The following SLC39A10 variants were observed in gnomAD, a reference collection of about 807,000 sequenced individuals.
The protein encoded by SLC39A10 is zinc transporter ZIP10.
Under a neutral mutation model 65.1 loss-of-function variants are expected in SLC39A10, and 13 were observed. The observed-to-expected ratio is 0.20, with a 90% confidence interval of 0.13 to 0.32. SLC39A10 has a LOEUF of 0.32. Ranked by LOEUF, SLC39A10 falls within the 10% of genes least tolerant of loss-of-function variation. The probability of loss-of-function intolerance (pLI) is 1.00; values close to 1 mark genes in which losing one functional copy is unlikely to be tolerated. For missense variants in SLC39A10, 831 were observed against 1,018.4 expected (o/e 0.82, Z 2.50); for synonymous variants, 321 against 342.2 (o/e 0.94, Z 0.68).
In SLC39A10 at chr2:195,725,051, G is replaced by A. The variant is rs115950910; in HGVS notation, c.2147-3108G>A. ...TGGGATAGTATTTTCAACAAATGGC[G>A]CTGTAACAATTGGACATCTACATGC... On this transcript the variant is annotated intron_variant, in intron 8 of 9. Coordinates refer to ENST00000359634, the MANE Select transcript of SLC39A10 (RefSeq NM_020342.3). Among the ~76,000 whole-genome samples the A allele has an allele frequency of 9.9e-3, 1,506 of 151,786 alleles. 33 individuals are homozygous for A. Among genetic ancestry groups the A allele is most frequent in the African/African-American group, 0.034 (1,401 of 41,348 alleles).
intron 3 of SLC39A10, among the ~76,000 whole-genome samples, chr2:195,696,319 GAA>G (rs67651617): frequency 0.067 from 9,372 of 140,804 alleles, 326 homozygotes; most frequent in African/African-American, 0.076. Context: ...TTTTATTTCT[GAA>G]AAAAAAAAAA....
At chr2:195,684,891 A>C (rs1216086424) in intron 3 of SLC39A10, among the ~76,000 whole-genome samples, 1 of 152,214 alleles carries the variant, frequency 6.6e-6, no homozygotes, top group Non-Finnish European at 1.5e-5. Flanking sequence ...CATTTTGTTA[A>C]TACATACTTT....
At chr2:195,652,612 C>G (rs1394140427), upstream of SLC39A10, among the ~76,000 whole-genome samples, 1 of 151,368 alleles carries the variant, frequency 6.6e-6, no homozygotes, top group Non-Finnish European at 1.5e-5. Context: ...GACCAAGGTT[C>G]TTATTATGCC....
chr2:195,670,745 A>G (rs1281780851), intron 1 of SLC39A10, among the ~76,000 whole-genome samples: 1 of 152,210 alleles, frequency 6.6e-6, no homozygotes, highest in African/African-American at 2.4e-5. Context: ...GAAAGAGTAC[A>G]TGGAAACTCT....
chr2:195,651,371 G>T (rs1689026874), intron 2 of SLC39A10, among the ~76,000 whole-genome samples: 1 of 152,182 alleles, frequency 6.6e-6, no homozygotes, highest in Non-Finnish European at 1.5e-5. Flanking sequence ...TAGAGCTGGA[G>T]CTTCAATCCC....
intron 2 of SLC39A10, among the ~76,000 whole-genome samples, chr2:195,640,004 T>G (rs1292365453): frequency 6.6e-6 from 1 of 152,232 alleles, no homozygotes; most frequent in African/African-American, 2.4e-5. Context: ...TTTTATAGTT[T>G]GGATTATAAT....
chr2:195,672,828 A>G (rs1470889845), intron 1 of SLC39A10, among the ~76,000 whole-genome samples: 1 of 152,210 alleles, frequency 6.6e-6, no homozygotes, highest in Non-Finnish European at 1.5e-5. Context: ...GTATTTACAT[A>G]TCAGCTGAAT....
Position 195,728,200 on chromosome 2 carries a change from C to G in SLC39A10, c.2188C>G (p.Gln730Glu), listed in dbSNP as rs1344471866. ...VLLKAGMTVK[Q>E]AIVYNLLSAM... Reference sequence around the variant, plus strand: ...TCTTAAAGCAGGCATGACTGTAAAGCAAGCAATTGTATACAACCTCCTCTC... The same window carrying G: ...TCTTAAAGCAGGCATGACTGTAAAGGAAGCAATTGTATACAACCTCCTCTC... Residue 730 changes from glutamine to glutamate, a missense_variant, in exon 9 of 10, where the codon CAA becomes GAA. Physicochemically the swap from Gln to Glu is conservative, Grantham distance 29. Coordinates refer to ENST00000359634, the MANE Select transcript of SLC39A10 (RefSeq NM_020342.3). The surrounding 1 kb of genome is among the most constrained non-coding windows in gnomAD (Gnocchi z 4.4). 1 of 1,613,852 alleles carries G rather than the reference C, an allele frequency of 6.2e-7. No homozygotes were observed. The highest frequency in any genetic ancestry group is 1.7e-5 in the Admixed American group (1 of 60,012).
intron 2 of SLC39A10, among the ~76,000 whole-genome samples, chr2:195,651,186 C>T (rs1462582850): frequency 6.6e-6 from 1 of 151,848 alleles, no homozygotes; most frequent in Non-Finnish European, 1.5e-5. Flanking sequence ...GTCTTTAGAG[C>T]TTGCCAAAAA....
chr2:195,686,578 A>G (rs1462232216), intron 3 of SLC39A10, among the ~76,000 whole-genome samples: 1 of 152,180 alleles, frequency 6.6e-6, no homozygotes, highest in Non-Finnish European at 1.5e-5. Flanking sequence ...ACCTATGTTT[A>G]TTGGGACTTT....
chr2:195,638,649 C>T (rs13421582), intron 2 of SLC39A10, among the ~76,000 whole-genome samples: 5,645 of 151,976 alleles, frequency 0.037, 243 homozygotes, highest in African/African-American at 0.097. Flanking sequence ...CAGCCTAAAA[C>T]GGTTTTAAAT....
rs760147100 is a variant in SLC39A10 at position 195,680,693 on chromosome 2, C to T, written c.651C>T (p.Thr217=). The change falls in exon 2 of 10, where the codon ACC becomes ACT. Residue 217 remains threonine (T), a synonymous_variant. Coordinates refer to ENST00000359634, the MANE Select transcript of SLC39A10 (RefSeq NM_020342.3). ...GEPSNEPSTE[T]NKTQEQSDVK... ...CTAGCAATGAACCTTCAACAGAGAC[C>T]AATAAAACCCAGGAACAATCTGATG... is the stretch of plus-strand genomic sequence containing the variant. 6.2e-7 allele frequency: 1 copy of T among 1,613,834 alleles called. No individual in the cohort carries two copies. Among genetic ancestry groups the T allele is most frequent in the South Asian group, 1.1e-5 (1 of 91,060 alleles).
At chr2:195,653,938 T>G (rs1689090937), upstream of SLC39A10, among the ~76,000 whole-genome samples, 1 of 152,162 alleles carries the variant, frequency 6.6e-6, no homozygotes, top group Non-Finnish European at 1.5e-5. Flanking sequence ...TTCTTTTTTT[T>G]GTTTGTTTTG....
intron 6 of SLC39A10, 61 bp from the exon 7 acceptor site, chr2:195,716,576 A>T: frequency 6.8e-7 from 1 of 1,474,586 alleles, no homozygotes; most frequent in Non-Finnish European, 9.1e-7. Context: ...TATTCTGTTT[A>T]AATTAGCAAA....
chr2:195,638,952 G>GTT (rs35269104), intron 2 of SLC39A10, among the ~76,000 whole-genome samples: 104 of 146,708 alleles, frequency 7.1e-4, no homozygotes, highest in Non-Finnish European at 6.9e-4. Context: ...GACCTTGGCA[G>GTT]TTTTTTTTTT....
chr2:195,703,495 T>C (rs903136066), intron 3 of SLC39A10, among the ~76,000 whole-genome samples: 7 of 152,204 alleles, frequency 4.6e-5, no homozygotes, highest in South Asian at 2.1e-4. Flanking sequence ...CAGTTAAAAA[T>C]CTTTTGAAGG....
chr2:195,684,391 A>G (rs1690445843), intron 3 of SLC39A10, among the ~76,000 whole-genome samples: 1 of 152,100 alleles, frequency 6.6e-6, no homozygotes. Context: ...TATTATGGGT[A>G]TTTCTAGAGA....
chr2:195,707,051 C>CT (rs1346201876), intron 4 of SLC39A10, among the ~76,000 whole-genome samples: 3 of 152,066 alleles, frequency 2.0e-5, no homozygotes, highest in East Asian at 1.9e-4. Context: ...AGTGAGTGGT[C>CT]TTTTTTATCT....
At chr2:195,694,556 A>G (rs1360312745) in intron 3 of SLC39A10, among the ~76,000 whole-genome samples, 1 of 152,190 alleles carries the variant, frequency 6.6e-6, no homozygotes, top group Admixed American at 6.5e-5. Flanking sequence ...ACTGGGCTCC[A>G]GGCTGGTACT....
Sources: allele counts gnomAD v4.1 joint callset (sites outside exome capture counted in the v4.1 genomes callset), GRCh38; gene constraint gnomAD v4.1.1; non-coding constraint Gnocchi (gnomAD v3.1); transcripts MANE v1.5; gene names NCBI Gene and HGNC (gene_info 2026-07-23, HGNC 2026-07-21).